Variants in ROBO2 observed in about 807,000 individuals in gnomAD.
ROBO2 encodes the protein roundabout homolog 2.
In ROBO2, 53 loss-of-function variants were observed where a neutral mutation model predicts 160.8. The observed-to-expected ratio is 0.33, with a 90% CI of 0.26 to 0.41. The LOEUF (loss-of-function observed/expected upper bound fraction) is 0.41. ROBO2 is among the 10% of genes least tolerant of loss of function. The probability of loss-of-function intolerance (pLI) is 1.00; values close to 1 mark genes in which losing one functional copy is unlikely to be tolerated. For synonymous variants in ROBO2, 664 were observed against 611.7 expected (o/e 1.09, Z -1.26); for missense variants, 1,577 against 1,722.4 (o/e 0.92, Z 1.49).
At chr3:76,040,723 C>T (rs1218606644) in intron 2 of ROBO2, among the ~76,000 whole-genome samples, 1 of 152,058 alleles carries the variant, frequency 6.6e-6, no homozygotes, top group Non-Finnish European at 1.5e-5. Flanking sequence ...CATGGGGGCT[C>T]ATGCCTGTAA....
rs900324259 is a variant in ROBO2 at position 77,316,783 on chromosome 3, T to C, written c.389-160631T>C. The C allele has an allele frequency of 7.1e-6, 9 of 1,261,312 alleles. No homozygotes were observed. In the African/African-American group the frequency reaches 1.3e-4, roughly 19 times the overall value. 78.1% of individuals were successfully genotyped at this position (1,261,312 alleles called of 1,614,324 possible). ...TTGAAATTTCAGTCCTAGACCAAGC[T>C]TGTGGCCACCAGCCTTGACGTTCTT... On this transcript the variant is annotated intron_variant, in intron 2 of 25. Coordinates refer to ENST00000461745, the Ensembl canonical transcript of ROBO2.
At chr3:76,923,313 G>A (rs1251374088) in intron 2 of ROBO2, among the ~76,000 whole-genome samples, 1 of 152,176 alleles carries the variant, frequency 6.6e-6, no homozygotes, top group African/African-American at 2.4e-5. Flanking sequence ...CCCTCATAAT[G>A]TTCCGCTGTG....
chr3:76,644,015 G>A (rs73120433), intron 2 of ROBO2, among the ~76,000 whole-genome samples: 4,539 of 152,144 alleles, frequency 0.03, 78 homozygotes, highest in Middle Eastern at 0.068. Flanking sequence ...TAATTAAATT[G>A]TCACATAATG....
chr3:77,323,582 C>T (rs1319289315), intron 2 of ROBO2, among the ~76,000 whole-genome samples: 1 of 152,224 alleles, frequency 6.6e-6, no homozygotes, highest in Non-Finnish European at 1.5e-5. Flanking sequence ...TGCCTTTGGA[C>T]TCTATTTGTG....
At chr3:76,164,274 C>T (rs2072744867) in intron 2 of ROBO2, among the ~76,000 whole-genome samples, 1 of 152,160 alleles carries the variant, frequency 6.6e-6, no homozygotes. Context: ...TTATTTCCTC[C>T]ACTGCAGTCT....
chr3:76,482,890 CTGGCTTT>C, intron 2 of ROBO2, among the ~76,000 whole-genome samples: 1 of 152,188 alleles, frequency 6.6e-6, no homozygotes, highest in South Asian at 2.1e-4. Flanking sequence ...ATTGGGTTAG[CTGGCTTT>C]TATATGGGAC....
chr3:77,045,435 A>G (rs138897900), intron 1 of ROBO2, among the ~76,000 whole-genome samples: 1 of 152,216 alleles, frequency 6.6e-6, no homozygotes, highest in Non-Finnish European at 1.5e-5. Flanking sequence ...TATAAGATCC[A>G]TCAGCACAGA....
intron 2 of ROBO2, among the ~76,000 whole-genome samples, chr3:76,118,598 C>T (rs1384075072): frequency 1.3e-5 from 2 of 152,036 alleles, no homozygotes; most frequent in Admixed American, 6.6e-5. Flanking sequence ...ATTATTGGAT[C>T]GCACTTGGCT....
intron 2 of ROBO2, among the ~76,000 whole-genome samples, chr3:76,035,011 A>G (rs1053617760): frequency 6.6e-5 from 10 of 151,976 alleles, no homozygotes; most frequent in Non-Finnish European, 1.2e-4. Context: ...CCTTCGCTCA[A>G]TACTGTATCT....
exon 16 of ROBO2, chr3:77,580,108 A>G: frequency 1.9e-6 from 3 of 1,613,744 alleles, no homozygotes; most frequent in Non-Finnish European, 2.5e-6. Flanking sequence ...AGCCACAGCC[A>G]ATAATAATCG....
exon 21 of ROBO2, chr3:77,607,920 C>G: frequency 6.2e-7 from 1 of 1,613,944 alleles, no homozygotes; most frequent in South Asian, 1.1e-5. Flanking sequence ...TGGCACGGAG[C>G]TGGAACACTA....
intron 2 of ROBO2, among the ~76,000 whole-genome samples, chr3:76,907,227 C>T (rs546084392): frequency 4.7e-4 from 72 of 152,282 alleles, no homozygotes; most frequent in Non-Finnish European, 6.8e-4. Context: ...ACATCAACCA[C>T]GTTACTCCTT....
intron 2 of ROBO2, among the ~76,000 whole-genome samples, chr3:77,240,233 C>T (rs1025472595): frequency 1.2e-4 from 18 of 152,094 alleles, no homozygotes; most frequent in Admixed American, 8.5e-4. Flanking sequence ...CCCTGCCCCG[C>T]AGGGAGGCAG....
chr3:77,400,085 G>A (rs775587231), intron 2 of ROBO2, among the ~76,000 whole-genome samples: 10 of 152,166 alleles, frequency 6.6e-5, no homozygotes, highest in African/African-American at 2.4e-4. Flanking sequence ...AGCTAGTAAT[G>A]AAAGCATTGA....
intron 2 of ROBO2, among the ~76,000 whole-genome samples, chr3:77,245,923 T>A (rs2151407212): frequency 6.6e-6 from 1 of 152,316 alleles, no homozygotes; most frequent in Non-Finnish European, 1.5e-5. Flanking sequence ...ATAAACCATG[T>A]ACCATGTAAT....
At chr3:77,165,665 C>T (rs1005535117) in intron 2 of ROBO2, among the ~76,000 whole-genome samples, 1 of 151,972 alleles carries the variant, frequency 6.6e-6, no homozygotes, top group Non-Finnish European at 1.5e-5. Flanking sequence ...TGAAGTATAA[C>T]ATATATACAG....
rs1207495773 is a variant in ROBO2, at chr3:76,871,559, AAG to A, written c.110-226453_110-226452del. Among the ~76,000 whole-genome samples the A allele has an allele frequency of 5.6e-5, 8 of 143,262 alleles. 2 individuals are homozygous for A. Among genetic ancestry groups the A allele is most frequent in the Non-Finnish European group, 7.8e-5 (5 of 64,086 alleles). 94.0% of individuals were successfully genotyped at this position (143,262 alleles called of 152,430 possible). A position where few individuals can be genotyped will look rare whatever the true frequency, so the allele number is the denominator to read the frequency against. ...ACAGAGCGAGACTCCGTCTCAAAAA[AAG>A]AAAAAAAAAGAAAAAGAAAAATACC... On this transcript the variant is annotated intron_variant, in intron 2 of 26. Transcript: ENST00000487694.
chr3:76,977,487 A>C (rs924282441), intron 2 of ROBO2, among the ~76,000 whole-genome samples: 1 of 152,170 alleles, frequency 6.6e-6, no homozygotes, highest in Admixed American at 6.5e-5. Context: ...CAATACTAAC[A>C]TGGGTGCTGG....
At chr3:77,518,821 C>G (rs2090296892) in intron 5 of ROBO2, among the ~76,000 whole-genome samples, 1 of 151,502 alleles carries the variant, frequency 6.6e-6, no homozygotes, top group Non-Finnish European at 1.5e-5. Flanking sequence ...ATGCTGGGCA[C>G]TGTTATAGGC....
Sources: gnomAD v4.1 joint callset for allele counts (sites outside exome capture counted in the v4.1 genomes callset) on GRCh38, gnomAD v4.1.1 for gene constraint, MANE v1.5 for transcripts, NCBI Gene and HGNC (gene_info 2026-07-23, HGNC 2026-07-21) for gene names.